Variants in MAGI2 observed in about 807,000 individuals in gnomAD.
MAGI2 encodes membrane-associated guanylate kinase, WW and PDZ domain-containing protein 2.
MAGI2 carries 35 observed loss-of-function variants against 133.3 expected under a neutral mutation model. The ratio of observed to expected loss-of-function variants is 0.26; its 90% confidence interval spans 0.20 to 0.35. The LOEUF (loss-of-function observed/expected upper bound fraction) is 0.35, where lower values mean the gene tolerates loss of function less well. MAGI2 is among the 10% of genes least tolerant of loss of function. The pLI, the probability that MAGI2 is intolerant of heterozygous loss-of-function variation, is 1.00. For missense variants in MAGI2, 1,636 were observed against 1,863.4 expected (o/e 0.88, Z 2.25); for synonymous variants, 729 against 710.6 (o/e 1.03, Z -0.41).
At chr7:78,750,124 A>G (rs1823309646) in intron 2 of MAGI2, among the ~76,000 whole-genome samples, 1 of 152,132 alleles carries the variant, frequency 6.6e-6, no homozygotes, top group African/African-American at 2.4e-5. Flanking sequence ...GAATGAGAAT[A>G]TGCAGTGTTT....
intron 1 of MAGI2, among the ~76,000 whole-genome samples, chr7:79,039,794 T>C (rs1366384457): frequency 2.0e-5 from 3 of 148,252 alleles, no homozygotes; most frequent in East Asian, 2.0e-4. Context: ...CATATATATA[T>C]ACACATATGT....
At chr7:78,296,569 C>T (rs975964428) in intron 9 of MAGI2, among the ~76,000 whole-genome samples, 2 of 152,158 alleles carry the variant, frequency 1.3e-5, no homozygotes, top group Non-Finnish European at 2.9e-5. Context: ...GCTTCATTTA[C>T]TATGGTATGC....
chr7:78,117,707 GA>G (rs1282212608), intron 20 of MAGI2, among the ~76,000 whole-genome samples: 3 of 151,906 alleles, frequency 2.0e-5, no homozygotes, highest in East Asian at 1.9e-4. Context: ...GACTTAAAGG[GA>G]AAAAAACCTC....
intron 1 of MAGI2, among the ~76,000 whole-genome samples, chr7:79,089,377 A>G (rs920588963): frequency 1.3e-5 from 2 of 152,140 alleles, no homozygotes; most frequent in African/African-American, 2.4e-5. Flanking sequence ...TAGTTCAACC[A>G]TTGTGGAAGA....
At chr7:78,644,856 T>C (rs1345658533) in intron 2 of MAGI2, among the ~76,000 whole-genome samples, 3 of 151,846 alleles carry the variant, frequency 2.0e-5, no homozygotes, top group African/African-American at 4.8e-5. Flanking sequence ...TCAATAAAAC[T>C]GATAAACCTC....
chr7:78,373,557 G>GATGA (rs113935814), intron 6 of MAGI2, among the ~76,000 whole-genome samples: 1 of 87,870 alleles, frequency 1.1e-5, no homozygotes, highest in African/African-American at 3.4e-5. Flanking sequence ...TCTTACTATT[G>GATGA]GAGGGCTCCT....
At chr7:78,504,479 G>A (rs984123696) in intron 4 of MAGI2, among the ~76,000 whole-genome samples, 2 of 152,124 alleles carry the variant, frequency 1.3e-5, no homozygotes, top group African/African-American at 2.4e-5. Context: ...GGGTAAATAC[G>A]AAGGAGAAGT....
chr7:78,547,097 C>G (rs1033584551), intron 3 of MAGI2, among the ~76,000 whole-genome samples: 22 of 152,166 alleles, frequency 1.4e-4, no homozygotes, highest in African/African-American at 5.3e-4. Context: ...ACCAATTTTA[C>G]TACAGGCTAA....
chr7:78,745,353 G>A (rs1822827581), intron 2 of MAGI2, among the ~76,000 whole-genome samples: 1 of 152,122 alleles, frequency 6.6e-6, no homozygotes, highest in South Asian at 2.1e-4. Flanking sequence ...GATTCAATGA[G>A]AGGTGAGAGC....
intron 21 of MAGI2, among the ~76,000 whole-genome samples, chr7:78,044,678 C>CCTGTGTGTGT (rs71515384): frequency 4.0e-5 from 5 of 126,476 alleles, no homozygotes; most frequent in African/African-American, 1.8e-4. Flanking sequence ...GCTAATGTAC[C>CCTGTGTGTGT]GTGTGTGTGT....
At chr7:79,337,602 G>T (rs7791778) in intron 1 of MAGI2, among the ~76,000 whole-genome samples, 5 of 152,212 alleles carry the variant, frequency 3.3e-5, no homozygotes, top group East Asian at 1.9e-4. Flanking sequence ...GAAAAGTGAT[G>T]ATTTTAATCC....
At chr7:78,380,236 T>A (rs1458651580) in intron 6 of MAGI2, among the ~76,000 whole-genome samples, 1 of 150,572 alleles carries the variant, frequency 6.6e-6, no homozygotes, top group Admixed American at 6.6e-5. Context: ...AAAAGCAAAA[T>A]AAACACTAGC....
intron 1 of MAGI2, among the ~76,000 whole-genome samples, chr7:79,059,696 T>C (rs1013310340): frequency 2.6e-5 from 4 of 152,118 alleles, no homozygotes; most frequent in African/African-American, 9.7e-5. Flanking sequence ...GTAGCATATA[T>C]TTAAACTTAT....
chr7:79,346,517 T>G (rs572681585), intron 1 of MAGI2, among the ~76,000 whole-genome samples: 1 of 152,086 alleles, frequency 6.6e-6, no homozygotes, highest in East Asian at 1.9e-4. Flanking sequence ...TATTTTATCT[T>G]GCTCATCAGA....
At chr7:78,922,837 C>T (rs1799369471) in intron 2 of MAGI2, among the ~76,000 whole-genome samples, 1 of 150,772 alleles carries the variant, frequency 6.6e-6, no homozygotes, top group African/African-American at 2.4e-5. Flanking sequence ...TATTTCTCCA[C>T]ATCCTCTCCA....
chr7:78,171,906 T>G (rs1524744), intron 14 of MAGI2, among the ~76,000 whole-genome samples: 94,562 of 151,462 alleles, frequency 0.62, 29,724 homozygotes, highest in African/African-American at 0.7. Context: ...TGTTTGTTTT[T>G]TTTTCCCTAT....
intron 2 of MAGI2, among the ~76,000 whole-genome samples, chr7:78,685,274 T>C (rs985850458): frequency 4.6e-5 from 7 of 152,222 alleles, no homozygotes; most frequent in Admixed American, 1.3e-4. Flanking sequence ...TTTTTGTTAA[T>C]GAGAATAATT....
chr7:78,641,120 A>T (rs769979420), intron 2 of MAGI2, among the ~76,000 whole-genome samples: 6 of 152,124 alleles, frequency 3.9e-5, no homozygotes, highest in Admixed American at 2.6e-4. Context: ...TTCCGACATG[A>T]TTGTAAGTTT....
intron 3 of MAGI2, among the ~76,000 whole-genome samples, chr7:78,527,006 CA>C (rs55707442): frequency 0.022 from 997 of 45,360 alleles, 12 homozygotes; most frequent in East Asian, 0.22. Context: ...GACTCCATCT[CA>C]AAAAAAAAAA....
Sources: allele counts gnomAD v4.1 joint callset (sites outside exome capture counted in the v4.1 genomes callset), GRCh38; gene constraint gnomAD v4.1.1; transcripts MANE v1.5; gene names NCBI Gene and HGNC (gene_info 2026-07-23, HGNC 2026-07-21).